The following DYM variants were observed in gnomAD, a reference collection of about 807,000 sequenced individuals.
DYM encodes the protein dyggve-Melchior-Clausen syndrome protein.
Under a neutral mutation model 93.1 loss-of-function variants are expected in DYM, and 78 were observed. That is an observed-to-expected ratio of 0.84 (90% CI 0.70 to 1.01). The LOEUF (loss-of-function observed/expected upper bound fraction) is 1.01, where lower values mean the gene tolerates loss of function less well. Ranked by LOEUF, DYM falls within the 50% of genes least tolerant of loss-of-function variation. DYM has a pLI of 0.00. For synonymous variants in DYM, 321 were observed against 319.7 expected (o/e 1.00, Z -0.04); for missense variants, 789 against 845.0 (o/e 0.93, Z 0.82).
intron 14 of DYM, among the ~76,000 whole-genome samples, chr18:49,203,084 C>G (rs865984518): frequency 1.3e-3 from 18 of 14,172 alleles, no homozygotes; most frequent in Non-Finnish European, 1.6e-3. Flanking sequence ...CCAGCCGCCC[C>G]GTCCGGGAGG....
chr18:49,352,728 A>T (rs971332446), intron 6 of DYM, among the ~76,000 whole-genome samples: 71 of 152,210 alleles, frequency 4.7e-4, no homozygotes, highest in African/African-American at 1.7e-3. Flanking sequence ...ACCTCCCGTG[A>T]TACTGGAGTG....
At chr18:49,145,108 C>CATATATATATATATATATATATGTAT (rs2084943744) in intron 15 of DYM, among the ~76,000 whole-genome samples, 1 of 18,762 alleles carries the variant, frequency 5.3e-5, no homozygotes, top group African/African-American at 1.2e-4. Context: ...CAAAAAAATT[C>CATATATATATATATATATATATGTAT]ATATATATAT....
intron 13 of DYM, among the ~76,000 whole-genome samples, chr18:49,248,279 G>A (rs748896236): frequency 2.6e-4 from 39 of 152,052 alleles, no homozygotes; most frequent in Admixed American, 5.2e-4. Flanking sequence ...AAATCCATTG[G>A]GCAGGGAATC....
At chr18:49,417,022 C>T (rs2073069940) in intron 2 of DYM, among the ~76,000 whole-genome samples, 1 of 152,164 alleles carries the variant, frequency 6.6e-6, no homozygotes. Context: ...CATTCCCAAC[C>T]TATTACACTT....
chr18:49,163,638 C>T, intron 15 of DYM, 47 bp downstream of exon 15: 1 of 1,344,902 alleles, frequency 7.4e-7, no homozygotes, highest in Non-Finnish European at 1.1e-6. Flanking sequence ...GTTACTGTGC[C>T]TGGCTGAAAG....
At chr18:49,441,304 TA>T (rs2081574609) in intron 1 of DYM, among the ~76,000 whole-genome samples, 4 of 44,030 alleles carry the variant, frequency 9.1e-5, no homozygotes, top group South Asian at 6.3e-4. Context: ...TATAATTATA[TA>T]TAATTAATAT....
At chr18:49,388,685 CAAAAGAT>C (rs2068870768) in intron 3 of DYM, among the ~76,000 whole-genome samples, 1 of 150,748 alleles carries the variant, frequency 6.6e-6, no homozygotes, top group African/African-American at 2.5e-5. Flanking sequence ...TACTGAAAAT[CAAAAGAT>C]AAAAAGAAAA....
At chr18:49,283,947 T>C (rs1352343575) in intron 9 of DYM, among the ~76,000 whole-genome samples, 1 of 152,204 alleles carries the variant, frequency 6.6e-6, no homozygotes, top group Admixed American at 6.5e-5. Flanking sequence ...CACTGTATTT[T>C]TGACACTTAC....
chr18:49,075,839 A>G (rs2077257761), intron 17 of DYM, among the ~76,000 whole-genome samples: 1 of 152,228 alleles, frequency 6.6e-6, no homozygotes, highest in Non-Finnish European at 1.5e-5. Flanking sequence ...TTTGCAGTTG[A>G]AGACACACTT....
At chr18:49,429,803 GA>G (rs2074635936) in intron 2 of DYM, among the ~76,000 whole-genome samples, 1 of 152,028 alleles carries the variant, frequency 6.6e-6, no homozygotes, top group African/African-American at 2.4e-5. Flanking sequence ...TTCATCAACA[GA>G]AAAACCAATT....
intron 6 of DYM, among the ~76,000 whole-genome samples, chr18:49,344,498 A>G (rs1223010739): frequency 1.3e-5 from 2 of 152,202 alleles, no homozygotes; most frequent in African/African-American, 4.8e-5. Flanking sequence ...TAGAGAAAAC[A>G]AGAATTAATG....
chr18:49,310,357 A>G (rs1241578719), intron 8 of DYM, among the ~76,000 whole-genome samples: 3 of 152,236 alleles, frequency 2.0e-5, no homozygotes, highest in Non-Finnish European at 4.4e-5. Context: ...AGGAAAGGGT[A>G]AACTTGAAAA....
intron 14 of DYM, among the ~76,000 whole-genome samples, chr18:49,182,072 A>C (rs564204231): frequency 2.0e-5 from 3 of 152,296 alleles, no homozygotes; most frequent in Non-Finnish European, 1.5e-5. Context: ...ATTTAGAAGT[A>C]TGTTATTTAA....
chr18:49,167,770 A>C (rs2088094435), intron 14 of DYM, among the ~76,000 whole-genome samples: 1 of 152,238 alleles, frequency 6.6e-6, no homozygotes, highest in Non-Finnish European at 1.5e-5. Context: ...AGTTAGCTTA[A>C]TATTCACTTA....
intron 17 of DYM, among the ~76,000 whole-genome samples, chr18:49,088,610 T>C (rs1283850904): frequency 6.7e-6 from 1 of 150,144 alleles, no homozygotes; most frequent in Non-Finnish European, 1.5e-5. Flanking sequence ...AAAGCAGCAA[T>C]GGACATAACT....
chr18:49,199,949 A>G lies in DYM; in HGVS notation c.1625+9602T>C, dbSNP rs2091860505. ...AGATATAAAAATGATTTCATATTAC[A>G]CGTACTTAGAATTATAAATCCATTC... On this transcript the variant is annotated intron_variant, in intron 14 of 17. Coordinates refer to ENST00000675505, the MANE Select transcript of DYM (RefSeq NM_001353214.3). Among the ~76,000 whole-genome samples, 5 of 152,260 alleles carry G rather than the reference A, an allele frequency of 3.3e-5. No individual in the cohort carries two copies. In the South Asian group the frequency reaches 1.0e-3, roughly 32 times the overall value.
At chr18:49,295,326 G>C (rs1355040104) in intron 8 of DYM, among the ~76,000 whole-genome samples, 1 of 152,130 alleles carries the variant, frequency 6.6e-6, no homozygotes, top group Non-Finnish European at 1.5e-5. Flanking sequence ...TAAAACTTTA[G>C]ATTTAGCTGG....
chr18:49,132,907 A>T (rs1487164189), intron 15 of DYM, among the ~76,000 whole-genome samples: 2 of 152,174 alleles, frequency 1.3e-5, no homozygotes, highest in Non-Finnish European at 2.9e-5. Context: ...TGTTTTAGTA[A>T]AGTAGGAGAA....
intron 15 of DYM, among the ~76,000 whole-genome samples, chr18:49,149,769 C>G (rs1053079572): frequency 1.4e-5 from 2 of 138,954 alleles, no homozygotes; most frequent in African/African-American, 5.4e-5. Flanking sequence ...TCCAGTGGCA[C>G]AATCTCGGCT....
Sources: gnomAD v4.1 joint callset for allele counts (sites outside exome capture counted in the v4.1 genomes callset) on GRCh38, gnomAD v4.1.1 for gene constraint, MANE v1.5 for transcripts, NCBI Gene and HGNC (gene_info 2026-07-23, HGNC 2026-07-21) for gene names.